TTC7B: variants seen among roughly 807,000 people sequenced by gnomAD.
TTC7B encodes tetratricopeptide repeat protein 7B.
In TTC7B, 28 loss-of-function variants were observed where a neutral mutation model predicts 106.8. The observed-to-expected ratio is 0.26, with a 90% CI of 0.19 to 0.36. TTC7B has a LOEUF of 0.36. Ranked by LOEUF, TTC7B falls within the 10% of genes least tolerant of loss-of-function variation. The pLI, the probability that TTC7B is intolerant of heterozygous loss-of-function variation, is 1.00. For synonymous variants in TTC7B, 405 were observed against 430.6 expected, an observed-to-expected ratio of 0.94 and a Z score of 0.74; for missense variants, 862 against 1,076.4, an observed-to-expected ratio of 0.80 and a Z score of 2.79.
At chr14:90,553,852 C>T (rs532918770) in intron 19 of TTC7B, among the ~76,000 whole-genome samples, 3 of 152,224 alleles carry the variant, frequency 2.0e-5, no homozygotes, top group South Asian at 2.1e-4. Flanking sequence ...AATATGAGCA[C>T]GGCTTTGACT....
intron 5 of TTC7B, among the ~76,000 whole-genome samples, chr14:90,704,689 G>A (rs1326751917): frequency 6.6e-6 from 1 of 152,180 alleles, no homozygotes; most frequent in East Asian, 1.9e-4. Flanking sequence ...GGTGACAAAG[G>A]GGTAGCAGAG....
At chr14:90,743,649 A>C (rs562884579) in intron 4 of TTC7B, among the ~76,000 whole-genome samples, 1 of 152,336 alleles carries the variant, frequency 6.6e-6, no homozygotes, top group South Asian at 2.1e-4. Flanking sequence ...GTTATTAATA[A>C]AAATAAGTGA....
chr14:90,633,871 A>ATT (rs1175067936), intron 15 of TTC7B, among the ~76,000 whole-genome samples: 1 of 146,286 alleles, frequency 6.8e-6, no homozygotes. Context: ...TACTTTGTTA[A>ATT]TTTTTTTTTT....
Position 90,676,629 on chromosome 14 carries a change from G to A in TTC7B, c.1046C>T (p.Pro349Leu). The A allele has an allele frequency of 6.2e-7, 1 of 1,614,080 alleles. No individual in the cohort carries two copies. Among genetic ancestry groups the A allele is most frequent in the Middle Eastern group, 1.6e-4 (1 of 6,062 alleles). Reference protein sequence around the residue: ...ANRDAVLSRIPEHKSDRLISL... With the variant: ...ANRDAVLSRILEHKSDRLISL... ...GATGAGGCGGTCACTCTTGTGTTCA[G>A]GTATCCTGCTCAGCACAGCGTCCCG... The change falls in exon 9 of 20, where the codon CCT becomes CTT. Residue 349 changes from proline (P) to leucine (L), a missense_variant. Pro to Leu is a moderately conservative substitution (Grantham distance 98, BLOSUM62 -3). Coordinates refer to ENST00000328459, the MANE Select transcript of TTC7B (RefSeq NM_001010854.2).
chr14:90,678,144 GTA>G (rs1162304740), intron 8 of TTC7B, among the ~76,000 whole-genome samples: 2 of 152,198 alleles, frequency 1.3e-5, no homozygotes, highest in Non-Finnish European at 2.9e-5. Flanking sequence ...TTTAGAGAAA[GTA>G]TCAGTATCTT....
chr14:90,591,980 C>T (rs1037807258), intron 18 of TTC7B, among the ~76,000 whole-genome samples: 4 of 152,230 alleles, frequency 2.6e-5, no homozygotes, highest in African/African-American at 9.6e-5. Context: ...AATCACCCCT[C>T]TTTTGTACTT....
chr14:90,599,636 A>T (rs919823224), intron 17 of TTC7B, among the ~76,000 whole-genome samples: 13 of 152,092 alleles, frequency 8.5e-5, no homozygotes, highest in Non-Finnish European at 1.6e-4. Flanking sequence ...TGGCACCCAC[A>T]TTCTTTCTGC....
chr14:90,683,739 A>G (rs543525352), intron 7 of TTC7B, among the ~76,000 whole-genome samples: 51 of 152,140 alleles, frequency 3.4e-4, no homozygotes, highest in East Asian at 1.9e-3. Context: ...CACCTTGCAC[A>G]AGTGTTTCCA....
chr14:90,761,546 TTTGA>T (rs1395037783), intron 3 of TTC7B, among the ~76,000 whole-genome samples: 6 of 152,074 alleles, frequency 3.9e-5, no homozygotes, highest in Admixed American at 1.3e-4. Context: ...CAGAGATTGA[TTTGA>T]TTAATAACTC....
chr14:90,588,060 G>A (rs1410009970), intron 18 of TTC7B, among the ~76,000 whole-genome samples: 4 of 152,196 alleles, frequency 2.6e-5, no homozygotes, highest in African/African-American at 7.2e-5. Context: ...TGACCCTCAG[G>A]GACGTCGTGT....
At chr14:90,649,484 T>C (rs1885622806) in intron 13 of TTC7B, among the ~76,000 whole-genome samples, 1 of 152,280 alleles carries the variant, frequency 6.6e-6, no homozygotes. Context: ...AGGACATTAG[T>C]GATCAGAAAA....
chr14:90,724,608 G>A (rs1889019995), intron 5 of TTC7B, among the ~76,000 whole-genome samples: 1 of 152,138 alleles, frequency 6.6e-6, no homozygotes. Flanking sequence ...GCCATGTGAT[G>A]GCCCTGCTCC....
chr14:90,553,266 CAT>C (rs990868649), intron 19 of TTC7B, among the ~76,000 whole-genome samples: 1 of 152,246 alleles, frequency 6.6e-6, no homozygotes, highest in Non-Finnish European at 1.5e-5. Flanking sequence ...CCAGGTCAGA[CAT>C]TTTATCTGGA....
rs1892722149 is a variant in TTC7B, at chr14:90,608,114, GA to G, written c.1966+2627del. 6.6e-6 allele frequency among the ~76,000 whole-genome samples: 1 copy of G among 152,198 alleles called. No individual in the cohort carries two copies. Among genetic ancestry groups the G allele is most frequent in the South Asian group, 2.1e-4 (1 of 4,834 alleles). ...AGGCGGGCTCTCCACACAGGTGTGT[GA>G]ATGACAGCATCTGCCCCTTCTTGAC... On this transcript the variant is annotated intron_variant, in intron 17 of 19. Coordinates refer to ENST00000328459, the MANE Select transcript of TTC7B (RefSeq NM_001010854.2). This position sits in a 1 kb window ranked among gnomAD's most constrained non-coding sequence, Gnocchi z 5.1.
chr14:90,676,816 A>G (rs1013197802), intron 8 of TTC7B, among the ~76,000 whole-genome samples, 156 bp from the exon 9 acceptor site: 2 of 152,142 alleles, frequency 1.3e-5, no homozygotes, highest in African/African-American at 2.4e-5. Context: ...TATTTATTCA[A>G]AATCCCCTGG....
chr14:90,647,148 G>T (rs1393450989), intron 13 of TTC7B, 125 bp from the exon 14 acceptor site: 6 of 763,334 alleles, frequency 7.9e-6, no homozygotes, highest in Non-Finnish European at 1.4e-5. Context: ...ACTATGTAAT[G>T]CTTCATTTAA....
chr14:90,686,763 A>G (rs1887265965), intron 7 of TTC7B, among the ~76,000 whole-genome samples: 1 of 152,236 alleles, frequency 6.6e-6, no homozygotes, highest in South Asian at 2.1e-4. Context: ...TTGCATGCAC[A>G]CATGTGCACG....
At chr14:90,794,775 C>T (rs1891717367) in intron 1 of TTC7B, among the ~76,000 whole-genome samples, 1 of 152,040 alleles carries the variant, frequency 6.6e-6, no homozygotes, top group South Asian at 2.1e-4. Context: ...TCTTTGCTTC[C>T]CTCAAAAAAG....
intron 1 of TTC7B, 83 bp downstream of exon 1, chr14:90,816,092 C>T (rs1185276291): frequency 1.8e-4 from 179 of 973,826 alleles, no homozygotes; most frequent in Non-Finnish European, 2.0e-4. Flanking sequence ...GCCCGCGCCC[C>T]GCGCCCGGCC....
Sources: allele counts gnomAD v4.1 joint callset (sites outside exome capture counted in the v4.1 genomes callset), GRCh38; gene constraint gnomAD v4.1.1; non-coding constraint Gnocchi (gnomAD v3.1); transcripts MANE v1.5; gene names NCBI Gene and HGNC (gene_info 2026-07-23, HGNC 2026-07-21).